The following LZTR1 variants were observed in gnomAD, a reference collection of about 807,000 sequenced individuals.
LZTR1 encodes leucine zipper like post translational regulator 1, also known as leucine-zipper-like transcriptional regulator 1.
LZTR1 carries 260 observed loss-of-function variants against 105.7 expected under a neutral mutation model. The ratio of observed to expected loss-of-function variants is 2.46; its 90% CI spans 2.22 to 2.72. The LOEUF is 2.72. Among genes scored for constraint, LZTR1 ranks in the 30% most tolerant of loss-of-function variants. LZTR1 has a pLI of 0.00. For missense variants in LZTR1, 1,214 were observed against 1,166.9 expected (o/e 1.04, Z -0.59); for synonymous variants, 490 against 476.4 (o/e 1.03, Z -0.37).
chr22:20,994,104 A>T lies in LZTR1; in HGVS notation c.1450A>T (p.Lys484Ter). ...ITQARERLAQKLEQEAAPVPR... is the reference protein window; with the variant it reads ...ITQARERLAQ ...TCCTTGAGCTCCCTTCTCCCCACAGAAGCTGGAGCAGGAGGCCGCCCCAGT... is the reference window on the plus strand; with the variant it reads ...TCCTTGAGCTCCCTTCTCCCCACAGTAGCTGGAGCAGGAGGCCGCCCCAGT... The change falls in exon 14 of 21, where the codon AAG (lysine) becomes TAG (stop). Residue 484 changes from lysine (K) to a stop codon, truncating the protein, a stop_gained and splice_region_variant. Coordinates refer to ENST00000646124, the MANE Select transcript of LZTR1 (RefSeq NM_006767.4). LOFTEE classifies it high-confidence loss of function. 6.3e-7 allele frequency: 1 copy of T among 1,578,108 alleles called. No individual in the cohort carries two copies. The highest frequency in any genetic ancestry group is 8.6e-7 in the Non-Finnish European group (1 of 1,159,958).
At position 20,997,275 on chromosome 22, in the gene LZTR1, T is replaced by C. The variant is rs1307942871; in HGVS notation, c.2450T>C (p.Leu817Pro). The change falls in exon 21 of 21, where the codon CTG (leucine) becomes CCG (proline). Residue 817 changes from leucine to proline, a missense_variant. Leu to Pro is a moderately conservative substitution (Grantham distance 98). Transcript: ENST00000646124. ...CTGCGGTCGCTGAGCCAGCAGCTGC[T>C]GCTGGACATCATAGACTCCCTGGCC... ...PTLRSLSQQL[L>P]LDIIDSLASH... The C allele has an allele frequency of 1.2e-6, 2 of 1,613,934 alleles. No homozygotes were observed. Among genetic ancestry groups the C allele is most frequent in the Admixed American group, 3.3e-5 (2 of 60,030 alleles).
In LZTR1 at chr22:20,993,507, G is replaced by A. The variant is rs1275685947; in HGVS notation, c.1261-155G>A. 8 of 622,342 alleles carry A rather than the reference G, an allele frequency of 1.3e-5. No individual in the cohort carries two copies. The East Asian group carries it at 1.9e-4, about 15-fold the overall frequency. 38.6% of individuals were successfully genotyped at this position (622,342 alleles called of 1,614,324 possible). On this transcript the variant is annotated intron_variant, in intron 11 of 20. Coordinates refer to ENST00000646124, the MANE Select transcript of LZTR1 (RefSeq NM_006767.4). ...AGCCAGGCTGTATTTTCAGGGTGGG[G>A]TAGCGGCTGCTTCCTCTCCTCAGCC... is the stretch of plus-strand genomic sequence containing the variant.
chr22:20,997,091 C>T, intron 20 of LZTR1, 125 bp downstream of exon 20: 1 of 1,153,470 alleles, frequency 8.7e-7, no homozygotes, highest in Non-Finnish European at 1.3e-6. Flanking sequence ...AGAAGCAGAG[C>T]AGCCCATCAC....
chr22:20,993,891 G>A, intron 12 of LZTR1, 33 bp from the exon 13 acceptor site: 1 of 1,596,874 alleles, frequency 6.3e-7, no homozygotes, highest in Non-Finnish European at 8.5e-7. Flanking sequence ...CGAGGGTCCT[G>A]TGCCCTCTGC....
In LZTR1 at chr22:20,996,098, G is replaced by T; in HGVS notation, c.2205G>T (p.Pro735=). 2 of 1,612,600 alleles carry T rather than the reference G, an allele frequency of 1.2e-6. No individual in the cohort carries two copies. The highest frequency in any genetic ancestry group is 1.1e-5 in the South Asian group (1 of 91,074). Residue 735 remains proline (P), a synonymous_variant, in exon 18 of 21, where the codon CCG becomes CCT. Coordinates refer to ENST00000646124, the MANE Select transcript of LZTR1 (RefSeq NM_006767.4). The part of the protein sequence containing the change: ...RYIYYGEVNM[P]PEDSLYLFAA... ...TCTACTACGGCGAGGTCAACATGCC[G>T]CCCGAGGACTCGCTGCATCCTCACT...
chr22:20,994,217 C>A lies in LZTR1; in HGVS notation c.1563C>A (p.Phe521Leu). Residue 521 changes from phenylalanine to leucine, a missense_variant, in exon 14 of 21, where the codon TTC (phenylalanine) becomes TTA (leucine). Coordinates refer to ENST00000646124, the MANE Select transcript of LZTR1 (RefSeq NM_006767.4). ...TCCGGGAGGCCGAGGCCCGGCCCTT[C>A]GAGGTGCTCATGCAGTTCCTCTACA... ...VAIREAEARP[F>L]EVLMQFLYTD... 6.2e-7 allele frequency: 1 copy of A among 1,601,384 alleles called. No homozygotes were observed. Among genetic ancestry groups the A allele is most frequent in the Admixed American group, 1.7e-5 (1 of 59,966 alleles).
In LZTR1 at chr22:20,997,257, C is replaced by T. The variant is rs769880462; in HGVS notation, c.2432C>T (p.Ser811Leu). The T allele has an allele frequency of 1.6e-5, 26 of 1,613,620 alleles. No homozygotes were observed. The highest frequency in any genetic ancestry group is 4.5e-5 in the East Asian group (2 of 44,886). Reference sequence around the variant, plus strand: ...GTCTCCAAGTTGCCCACCCTGCGGTCGCTGAGCCAGCAGCTGCTGCTGGAC... The same window carrying T: ...GTCTCCAAGTTGCCCACCCTGCGGTTGCTGAGCCAGCAGCTGCTGCTGGAC... ...TKVSKLPTLR[S>L]LSQQLLLDII... is the part of the protein sequence containing the mutation. The change falls in exon 21 of 21, where the codon TCG (serine) becomes TTG (leucine). Residue 811 changes from serine (S) to leucine (L), a missense_variant. Ser to Leu is a moderately radical substitution (Grantham distance 145, BLOSUM62 -2). Transcript: ENST00000646124.
Position 20,991,829 on chromosome 22 carries a change from G to C in LZTR1, c.993G>C (p.Glu331Asp), listed in dbSNP as rs1214963910. Residue 331 changes from glutamate to aspartate, a missense_variant and splice_region_variant, in exon 9 of 21, where the codon GAG becomes GAC. Physicochemically the swap from Glu to Asp is conservative, Grantham distance 45. Coordinates refer to ENST00000646124, the MANE Select transcript of LZTR1 (RefSeq NM_006767.4). ...WEVVQPSSDSEVGGAEVPERA... is the reference protein window; with the variant it reads ...WEVVQPSSDSDVGGAEVPERA... Reference sequence around the variant, plus strand: ...TCGTCCAGCCCAGCTCCGACAGCGAGGTGAGGGTGCCCAGGGGTGTCCTGA... The same window carrying C: ...TCGTCCAGCCCAGCTCCGACAGCGACGTGAGGGTGCCCAGGGGTGTCCTGA... The C allele has an allele frequency of 1.3e-6, 2 of 1,548,488 alleles. No homozygotes were observed. Among genetic ancestry groups the C allele is most frequent in the Non-Finnish European group, 1.7e-6 (2 of 1,146,124 alleles).
In LZTR1 at chr22:20,994,940, G is replaced by T. The variant is rs568213908; in HGVS notation, c.1856G>T (p.Arg619Leu). The T allele has an allele frequency of 6.2e-7, 1 of 1,613,332 alleles. No homozygotes were observed. The highest frequency in any genetic ancestry group is 8.5e-7 in the Non-Finnish European group (1 of 1,179,994). Reference protein sequence around the residue: ...NQVIMMKEFERLSSPLIVEIV... With the variant: ...NQVIMMKEFELLSSPLIVEIV... ...GTGATCATGATGAAGGAGTTCGAGCGCCTCTCCTCTCCACTGATAGTGGAG... is the reference window on the plus strand; with the variant it reads ...GTGATCATGATGAAGGAGTTCGAGCTCCTCTCCTCTCCACTGATAGTGGAG... The change falls in exon 16 of 21, where the codon CGC (arginine) becomes CTC (leucine). Residue 619 changes from arginine to leucine, a missense_variant. Coordinates refer to ENST00000646124, the MANE Select transcript of LZTR1 (RefSeq NM_006767.4).
Position 20,994,223 on chromosome 22 carries a change from G to A in LZTR1, c.1569G>A (p.Val523=). ...IREAEARPFE[V]LMQFLYTDKI... The stretch of plus-strand genomic sequence containing the variant: ...AGGCCGAGGCCCGGCCCTTCGAGGT[G>A]CTCATGCAGTTCCTCTACACCGACA... The change falls in exon 14 of 21, where the codon GTG becomes GTA. Residue 523 remains valine, a synonymous_variant. Transcript: ENST00000646124. 3 of 1,600,856 alleles carry A rather than the reference G, an allele frequency of 1.9e-6. No homozygotes were observed. The highest frequency in any genetic ancestry group is 2.2e-5 in the East Asian group (1 of 44,844).
At chr22:20,993,818 C>A in intron 12 of LZTR1, 64 bp downstream of exon 12, 2 of 1,572,302 alleles carry the variant, frequency 1.3e-6, no homozygotes, top group South Asian at 1.1e-5. Flanking sequence ...TTTCGCCCCT[C>A]AGAAAAACAG....
intron 8 of LZTR1, chr22:20,990,822 G>A: frequency 2.8e-6 from 1 of 361,250 alleles, no homozygotes; most frequent in Non-Finnish European, 5.1e-6. Context: ...AGTAACAGAC[G>A]TGGCCTGCAT....
chr22:20,995,597 T>G (rs1003849650), intron 16 of LZTR1, 149 bp from the exon 17 acceptor site: 20 of 955,296 alleles, frequency 2.1e-5, no homozygotes, highest in Admixed American at 1.8e-4. Context: ...AGAATGTGGC[T>G]GATGGTACCT....
At position 20,994,554 on chromosome 22, in the gene LZTR1, G is replaced by T. The variant is rs368206951; in HGVS notation, c.1616-4G>T. 7.5e-6 allele frequency: 12 copies of T among 1,607,544 alleles called. No homozygotes were observed. The highest frequency in any genetic ancestry group is 1.0e-5 in the Non-Finnish European group (12 of 1,179,078). On this transcript the variant is annotated splice_polypyrimidine_tract_variant and splice_region_variant and intron_variant, in intron 14 of 20. Coordinates refer to ENST00000646124, the MANE Select transcript of LZTR1 (RefSeq NM_006767.4). The stretch of plus-strand genomic sequence containing the variant: ...CCCTGAGATTCGGGGGCTCTGGGGC[G>T]CAGGCCATGTGGAGGATGTGCTGCT...
chr22:20,997,368 A>G lies in LZTR1; in HGVS notation c.*20A>G, dbSNP rs73394511. On this transcript the variant is annotated 3_prime_UTR_variant, in exon 21 of 21. Transcript: ENST00000646124. ...ATCTGAGGCCCTGTGGCGCCTGCCC[A>G]TTGTGAAGAATCGCCGTGCCTGCCT... 24 of 1,557,280 alleles carry G rather than the reference A, an allele frequency of 1.5e-5. No individual in the cohort carries two copies. Among genetic ancestry groups the G allele is most frequent in the African/African-American group, 1.2e-4 (9 of 73,936 alleles).
chr22:20,998,825 G>C lies in LZTR1; in HGVS notation c.*1477G>C, dbSNP rs1316174954. 6.7e-6 allele frequency: 1 copy of C among 150,192 alleles called. No individual in the cohort carries two copies. Among genetic ancestry groups the C allele is most frequent in the Non-Finnish European group, 1.5e-5 (1 of 67,178 alleles). 9.3% of individuals were successfully genotyped at this position (150,192 alleles called of 1,614,324 possible). ...GCCAGGTGCATTCACTCAGAGTGGGGCCACACACCCATCTACCCAGTTTCC... is the reference window on the plus strand; with the variant it reads ...GCCAGGTGCATTCACTCAGAGTGGGCCCACACACCCATCTACCCAGTTTCC... On this transcript the variant is annotated 3_prime_UTR_variant, in exon 21 of 21. Transcript: ENST00000646124.
intron 7 of LZTR1, among the ~76,000 whole-genome samples, chr22:20,989,937 C>T (rs752317690): frequency 3.9e-5 from 6 of 152,098 alleles, no homozygotes; most frequent in Non-Finnish European, 1.5e-5. Flanking sequence ...CACAGTGATT[C>T]GAGGTTTGGT....
Position 20,988,867 on chromosome 22 carries a change from C to T in LZTR1, c.588C>T (p.Asn196=), listed in dbSNP as rs752462405. 41 of 1,613,620 alleles carry T rather than the reference C, an allele frequency of 2.5e-5. No individual in the cohort carries two copies. The highest frequency in any genetic ancestry group is 2.3e-4 in the Admixed American group (14 of 60,006). The change falls in exon 6 of 21, where the codon AAC becomes AAT. Residue 196 remains asparagine (N), a synonymous_variant. Coordinates refer to ENST00000646124, the MANE Select transcript of LZTR1 (RefSeq NM_006767.4). ...KLWIFAGYDG[N]ARLNDMWTIG... ...GGATCTTTGCTGGCTATGACGGCAA[C>T]GCCAGGTGGGTGGTGGTCCGGCCTG...
chr22:20,991,890 C>T (rs976633342), intron 9 of LZTR1, 61 bp downstream of exon 9: 8 of 1,444,984 alleles, frequency 5.5e-6, no homozygotes, highest in Non-Finnish European at 6.5e-6. Flanking sequence ...CTACCCTGCT[C>T]CCACCCAGCT....
Sources: gnomAD v4.1 joint callset for allele counts (sites outside exome capture counted in the v4.1 genomes callset) on GRCh38, gnomAD v4.1.1 for gene constraint, MANE v1.5 for transcripts, NCBI Gene and HGNC (gene_info 2026-07-23, HGNC 2026-07-21) for gene names.